The following LRIG2 variants were observed in gnomAD, a reference collection of about 807,000 sequenced individuals.
LRIG2 encodes the protein leucine-rich repeats and immunoglobulin-like domains protein 2.
A neutral mutation model predicts 107.8 loss-of-function variants in LRIG2; 93 were observed. That is an observed-to-expected ratio of 0.86 (90% CI 0.73 to 1.03). LRIG2 has a LOEUF of 1.03. Ranked by LOEUF, LRIG2 falls within the 50% of genes least tolerant of loss-of-function variation. LRIG2 has a pLI of 0.00. For synonymous variants in LRIG2, 471 were observed against 470.6 expected (o/e 1.00, Z -0.01); for missense variants, 1,226 against 1,296.0 (o/e 0.95, Z 0.83).
intron 1 of LRIG2, among the ~76,000 whole-genome samples, chr1:113,074,114 T>G (rs1203515812): frequency 2.6e-5 from 4 of 152,166 alleles, no homozygotes; most frequent in Admixed American, 2.6e-4. Context: ...CTATGAACTG[T>G]CTTTAGTCCT....
Position 113,095,930 on chromosome 1 carries a change from GAATGTTA to G in LRIG2, c.861_867del (p.Met288SerfsTer5). The G allele has an allele frequency of 6.2e-7, 1 of 1,614,146 alleles. No individual in the cohort carries two copies. The highest frequency in any genetic ancestry group is 8.5e-7 in the Non-Finnish European group (1 of 1,180,014). ...AACAAGGGGTGGTTGTATGGCTTGC[GAATGTTA>G]CAGCAGCTCTATGTGAGCCAGAATG... On this transcript the variant is annotated frameshift_variant, in exon 7 of 18. Coordinates refer to ENST00000361127, the MANE Select transcript of LRIG2 (RefSeq NM_014813.3). LOFTEE classifies it high-confidence loss of function.
intron 1 of LRIG2, 140 bp from the exon 2 acceptor site, chr1:113,091,178 C>T: frequency 2.0e-6 from 1 of 495,118 alleles, no homozygotes; most frequent in Non-Finnish European, 3.6e-6. Flanking sequence ...CCTGCCTCAG[C>T]CTCCCCAAGT....
rs1243286127 is a variant in LRIG2, at chr1:113,123,772, C to T, written c.2972-103C>T. 9 of 749,610 alleles carry T rather than the reference C, an allele frequency of 1.2e-5. No homozygotes were observed. In the Admixed American group the frequency reaches 2.0e-4, roughly 17 times the overall value. The allele number at this position is 749,610 out of a possible 1,614,324, so 46.4% of individuals were successfully genotyped here. ...GTGTGTGTGTGTGTGATTTCAGTGT[C>T]CCTATTCAGGAATATTGAACATCTT... On this transcript the variant is annotated intron_variant, in intron 17 of 17. Transcript: ENST00000361127.
In LRIG2 at chr1:113,131,912, T is replaced by G. The variant is rs1405157246; in HGVS notation, c.*7811T>G. On this transcript the variant is annotated 3_prime_UTR_variant, in exon 18 of 18. Transcript: ENST00000361127. Reference sequence around the variant, plus strand: ...CCTGTTTTCAGATAAAGGAGTAAAGTGATCTACAAACTGTAACTATCTTGA... The same window carrying G: ...CCTGTTTTCAGATAAAGGAGTAAAGGGATCTACAAACTGTAACTATCTTGA... 6.6e-6 allele frequency: 1 copy of G among 151,890 alleles called. No individual in the cohort carries two copies. Among genetic ancestry groups the G allele is most frequent in the Non-Finnish European group, 1.5e-5 (1 of 68,010 alleles). 9.4% of individuals were successfully genotyped at this position (151,890 alleles called of 1,614,324 possible).
intron 17 of LRIG2, among the ~76,000 whole-genome samples, chr1:113,121,928 A>G (rs531029612): frequency 6.6e-6 from 1 of 152,226 alleles, no homozygotes; most frequent in African/African-American, 2.4e-5. Context: ...TGGAACATTC[A>G]AGATGGTAGT....
At chr1:113,075,404 CATAA>C (rs1485223854) in intron 1 of LRIG2, among the ~76,000 whole-genome samples, 1 of 152,174 alleles carries the variant, frequency 6.6e-6, no homozygotes, top group Non-Finnish European at 1.5e-5. Context: ...AAAAAATTAA[CATAA>C]ATAATCAAAT....
chr1:113,113,366 G>A, intron 14 of LRIG2, among the ~76,000 whole-genome samples: 1 of 150,700 alleles, frequency 6.6e-6, no homozygotes, highest in African/African-American at 2.4e-5. Context: ...TGTTTGTTTT[G>A]TTTTTTCTTC....
intron 1 of LRIG2, among the ~76,000 whole-genome samples, chr1:113,080,379 T>G (rs1557895848): frequency 6.6e-6 from 1 of 151,030 alleles, no homozygotes; most frequent in Non-Finnish European, 1.5e-5. Flanking sequence ...CTGGTCTTTT[T>G]TATTTATTTA....
At chr1:113,116,230 TTC>T in intron 15 of LRIG2, 55 bp from the exon 16 acceptor site, 1 of 1,506,054 alleles carries the variant, frequency 6.6e-7, no homozygotes, top group South Asian at 1.2e-5. Flanking sequence ...CAAAATAGTC[TTC>T]TGAGTGTTGG....
chr1:113,087,766 A>G (rs569853420), intron 1 of LRIG2, among the ~76,000 whole-genome samples: 37 of 152,320 alleles, frequency 2.4e-4, no homozygotes, highest in African/African-American at 8.9e-4. Context: ...TGCACGTGTC[A>G]TTTGATCAAA....
chr1:113,115,069 C>T (rs554291841), intron 15 of LRIG2, among the ~76,000 whole-genome samples, 193 bp downstream of exon 15: 1 of 152,286 alleles, frequency 6.6e-6, no homozygotes, highest in Non-Finnish European at 1.5e-5. Context: ...CATAGCAAGA[C>T]CTCATCTTCC....
chr1:113,078,950 A>G (rs1047293053), intron 1 of LRIG2, among the ~76,000 whole-genome samples: 3 of 152,120 alleles, frequency 2.0e-5, no homozygotes, highest in Admixed American at 6.6e-5. Context: ...AGAGGAGGCA[A>G]TATTTTTTGA....
chr1:113,075,235 A>G (rs193270556), intron 1 of LRIG2, among the ~76,000 whole-genome samples: 158 of 152,040 alleles, frequency 1.0e-3, no homozygotes, highest in Middle Eastern at 3.4e-3. Context: ...AGTCATCACT[A>G]AAAAAATAGG....
intron 1 of LRIG2, 130 bp downstream of exon 1, chr1:113,073,775 C>T: frequency 1.2e-6 from 1 of 838,228 alleles, no homozygotes; most frequent in Non-Finnish European, 1.8e-6. Flanking sequence ...AAACTGCCGT[C>T]AGGATTTTAT....
At chr1:113,093,849 G>A (rs1230627447) in intron 4 of LRIG2, among the ~76,000 whole-genome samples, 1 of 152,122 alleles carries the variant, frequency 6.6e-6, no homozygotes, top group Non-Finnish European at 1.5e-5. Flanking sequence ...AAAATATTTG[G>A]TTATTTATTG....
Position 113,073,201 on chromosome 1 carries a change from C to A in LRIG2, c.-206C>A, listed in dbSNP as rs577220947. 5.2e-6 allele frequency: 3 copies of A among 580,628 alleles called. No homozygotes were observed. Among genetic ancestry groups the A allele is most frequent in the Admixed American group, 6.0e-5 (2 of 33,184 alleles). 36.0% of individuals were successfully genotyped at this position (580,628 alleles called of 1,614,324 possible). A position where few individuals can be genotyped will look rare whatever the true frequency, so the allele number is the denominator to read the frequency against. ...ACGTTGCGCCGTGGGGAGGGGCGGA[C>A]GAGAGGTGTCCGTCAGGCCGTGTGT... On this transcript the variant is annotated 5_prime_UTR_variant, in exon 1 of 18. Transcript: ENST00000361127.
At position 113,132,224 on chromosome 1, in the gene LRIG2, C is replaced by T. The variant is rs1570790048; in HGVS notation, c.*8123C>T. 6.8e-6 allele frequency: 1 copy of T among 146,982 alleles called. No homozygotes were observed. Among genetic ancestry groups the T allele is most frequent in the Non-Finnish European group, 1.6e-5 (1 of 64,386 alleles). The allele number at this position is 146,982 out of a possible 1,614,324, so 9.1% of individuals were successfully genotyped here. Reference sequence around the variant, plus strand: ...ATGTGTTTGTCTACTTGTTTGTCTACTATAATATGTCTTTAATAAAGCTAA... The same window carrying T: ...ATGTGTTTGTCTACTTGTTTGTCTATTATAATATGTCTTTAATAAAGCTAA... On this transcript the variant is annotated 3_prime_UTR_variant, in exon 18 of 18. Coordinates refer to ENST00000361127, the MANE Select transcript of LRIG2 (RefSeq NM_014813.3).
intron 11 of LRIG2, among the ~76,000 whole-genome samples, chr1:113,106,417 A>G (rs1355281805): frequency 1.3e-5 from 2 of 152,178 alleles, no homozygotes; most frequent in Non-Finnish European, 2.9e-5. Context: ...TTTTTCAGAT[A>G]TGTTTTACAG....
At chr1:113,102,301 C>T (rs748219447) in intron 11 of LRIG2, among the ~76,000 whole-genome samples, 1 of 150,708 alleles carries the variant, frequency 6.6e-6, no homozygotes, top group Middle Eastern at 3.2e-3. Flanking sequence ...GATGCAATCT[C>T]GCTCTTGCCC....
Sources: gnomAD v4.1 joint callset for allele counts (sites outside exome capture counted in the v4.1 genomes callset) on GRCh38, gnomAD v4.1.1 for gene constraint, MANE v1.5 for transcripts, NCBI Gene and HGNC (gene_info 2026-07-23, HGNC 2026-07-21) for gene names.